The following RANGAP1 variants were observed in gnomAD, a reference collection of about 807,000 sequenced individuals.
The protein encoded by RANGAP1 is Ran GTPase activating protein 1, also known as ran GTPase-activating protein 1.
Under a neutral mutation model 63.5 loss-of-function variants are expected in RANGAP1, and 38 were observed. That is an observed-to-expected ratio of 0.60 (90% confidence interval 0.46 to 0.78). The LOEUF (loss-of-function observed/expected upper bound fraction) is 0.78, where lower values mean the gene tolerates loss of function less well. Among genes scored for constraint, RANGAP1 ranks in the 30% least tolerant of loss-of-function variants. The probability of loss-of-function intolerance (pLI) is 0.00; values close to 1 mark genes in which losing one functional copy is unlikely to be tolerated. For missense variants in RANGAP1, 630 were observed against 740.3 expected (o/e 0.85, Z 1.73); for synonymous variants, 329 against 310.5 (o/e 1.06, Z -0.63).
At chr22:41,248,136 A>G (rs2033177482) in intron 15 of RANGAP1, among the ~76,000 whole-genome samples, 1 of 142,164 alleles carries the variant, frequency 7.0e-6, no homozygotes, top group East Asian at 2.3e-4. Context: ...TCGGCACTGC[A>G]GCAACAGCAC....
At chr22:41,267,442 C>T (rs529301355) in intron 4 of RANGAP1, among the ~76,000 whole-genome samples, 1 of 152,316 alleles carries the variant, frequency 6.6e-6, no homozygotes, top group East Asian at 1.9e-4. Context: ...CAGGGCCTGC[C>T]GTGTGCAGCC....
At chr22:41,270,486 C>T (rs977951369) in intron 3 of RANGAP1, among the ~76,000 whole-genome samples, 2 of 152,186 alleles carry the variant, frequency 1.3e-5, no homozygotes, top group South Asian at 2.1e-4. Context: ...CTCACTCTGT[C>T]GCCCAGGCCG....
chr22:41,250,950 G>A, intron 13 of RANGAP1, 57 bp downstream of exon 13: 7 of 1,416,576 alleles, frequency 4.9e-6, no homozygotes, highest in Admixed American at 1.8e-5. Flanking sequence ...AAGGATACCT[G>A]GGGCCCACGA....
At chr22:41,252,800 G>A in intron 12 of RANGAP1, 72 bp downstream of exon 12, 2 of 1,443,988 alleles carry the variant, frequency 1.4e-6, no homozygotes, top group Non-Finnish European at 1.8e-6. Context: ...TCTCTGAGCT[G>A]TTCGTCCCTT....
chr22:41,275,665 G>A (rs1322797689), intron 2 of RANGAP1, among the ~76,000 whole-genome samples: 1 of 152,028 alleles, frequency 6.6e-6, no homozygotes, highest in African/African-American at 2.4e-5. Context: ...TGTAATCCCA[G>A]CTACTCAGGA....
rs555046180 is a variant in RANGAP1, at chr22:41,270,298, G to A, written c.241-2142C>T. 9.2e-5 allele frequency among the ~76,000 whole-genome samples: 14 copies of A among 151,582 alleles called. No individual in the cohort carries two copies. In the East Asian group the frequency reaches 2.3e-3, roughly 25 times the overall value. On this transcript the variant is annotated intron_variant, in intron 3 of 15. Transcript: ENST00000356244. ...TGGGATTACAGGCACCCGCCACCGC[G>A]CCCAGCTAATTTTTATATATTTTTT...
At chr22:41,263,145 C>G (rs1227341681) in intron 5 of RANGAP1, among the ~76,000 whole-genome samples, 2 of 152,160 alleles carry the variant, frequency 1.3e-5, no homozygotes, top group Non-Finnish European at 1.5e-5. Context: ...AACTCATTCC[C>G]CAACTCACCC....
At position 41,244,917 on chromosome 22, in the gene RANGAP1, C is replaced by T. The variant is rs2032946225; in HGVS notation, c.*1686G>A. On this transcript the variant is annotated 3_prime_UTR_variant, in exon 16 of 16. Coordinates refer to ENST00000356244, the MANE Select transcript of RANGAP1 (RefSeq NM_002883.4). ...GTTTGCAGCCTCACTCCCTATTCCA[C>T]CCTTCCCCTAGCCCTGGCAACCTCT... 6.6e-6 allele frequency among the ~76,000 whole-genome samples: 1 copy of T among 152,206 alleles called. No homozygotes were observed. Among genetic ancestry groups the T allele is most frequent in the Non-Finnish European group, 1.5e-5 (1 of 68,040 alleles).
chr22:41,300,699 G>C, the RANGAP1 span, among the ~76,000 whole-genome samples: 2 of 151,420 alleles, frequency 1.3e-5, no homozygotes, highest in East Asian at 1.9e-4. Context: ...TTGAACTCCT[G>C]ACCTCAGGTG....
chr22:41,274,774 C>A, intron 2 of RANGAP1, 47 bp from the exon 3 acceptor site: 1 of 1,607,958 alleles, frequency 6.2e-7, no homozygotes. Flanking sequence ...GAATCACAAA[C>A]AGCTAAGATA....
At position 41,258,197 on chromosome 22, in the gene RANGAP1, A is replaced by G. The variant is rs12170485; in HGVS notation, c.616-91T>C. 11,929 of 1,421,878 alleles carry G rather than the reference A, an allele frequency of 8.4e-3. 803 individuals carry two copies. The African/African-American group carries it at 0.15, about 18-fold the overall frequency. The allele number at this position is 1,421,878 out of a possible 1,614,324, so 88.1% of individuals were successfully genotyped here. On this transcript the variant is annotated intron_variant, in intron 6 of 15. Coordinates refer to ENST00000356244, the MANE Select transcript of RANGAP1 (RefSeq NM_002883.4). The stretch of plus-strand genomic sequence containing the variant: ...GCAATTCCACACAGCAGGCACAGGA[A>G]TGGGCTGCCGCCAGCACAGGGCAGG...
chr22:41,294,052 C>T, the RANGAP1 span, among the ~76,000 whole-genome samples: 1 of 151,388 alleles, frequency 6.6e-6, no homozygotes, highest in Non-Finnish European at 1.5e-5. Flanking sequence ...CTCTCCCTCT[C>T]CCCACGGTCT....
chr22:41,286,751 C>T (rs1246259025), upstream of RANGAP1, among the ~76,000 whole-genome samples: 1 of 152,192 alleles, frequency 6.6e-6, no homozygotes, highest in Non-Finnish European at 1.5e-5. Context: ...TGAACGGCCA[C>T]GTTAACATCA....
At chr22:41,246,784 C>T (rs2033065539) in intron 15 of RANGAP1, 112 bp from the exon 16 acceptor site, 1 of 1,012,728 alleles carries the variant, frequency 9.9e-7, no homozygotes, top group South Asian at 1.4e-5. Flanking sequence ...AACGACTCAG[C>T]AAGAGAGACA....
intron 14 of RANGAP1, 127 bp downstream of exon 14, chr22:41,249,602 C>G: frequency 6.6e-7 from 1 of 1,522,856 alleles, no homozygotes; most frequent in Non-Finnish European, 9.0e-7. Flanking sequence ...CAGACCCAGG[C>G]CTCGGGGCCC....
intron 3 of RANGAP1, among the ~76,000 whole-genome samples, chr22:41,268,879 A>T (rs1461595677): frequency 6.6e-6 from 1 of 151,980 alleles, no homozygotes; most frequent in Admixed American, 6.6e-5. Context: ...ACATGGTAAA[A>T]CCCCTTCTCT....
intron 13 of RANGAP1, among the ~76,000 whole-genome samples, chr22:41,250,532 G>A (rs2033372761): frequency 6.6e-6 from 1 of 152,206 alleles, no homozygotes; most frequent in South Asian, 2.1e-4. Flanking sequence ...GACAGGGTGG[G>A]GAGAGGGTTG....
rs1178978942 is a variant in RANGAP1, at chr22:41,258,027, A to G, written c.695T>C (p.Phe232Ser). ...HPGITALAQA[F>S]AVNPLLRVIN... is the part of the protein sequence containing the mutation. ...GACCCGCAGCAGGGGGTTGACAGCG[A>G]AAGCCTGGGCCAGGGCAGTGATGCC... The change falls in exon 7 of 16, where the codon TTC becomes TCC. Residue 232 changes from phenylalanine to serine, a missense_variant. Physicochemically the swap from Phe to Ser is radical, Grantham distance 155 (BLOSUM62 -2). Transcript: ENST00000356244. 6.2e-7 allele frequency: 1 copy of G among 1,613,600 alleles called. No individual in the cohort carries two copies. The highest frequency in any genetic ancestry group is 1.1e-5 in the South Asian group (1 of 90,962).
intron 13 of RANGAP1, 105 bp downstream of exon 13, chr22:41,250,902 C>T (rs755772156): frequency 1.4e-5 from 13 of 919,706 alleles, no homozygotes; most frequent in Non-Finnish European, 2.2e-5. Flanking sequence ...GAGCAGTTCC[C>T]ATGAGAGCGC....
Sources: gnomAD v4.1 joint callset for allele counts (sites outside exome capture counted in the v4.1 genomes callset) on GRCh38, gnomAD v4.1.1 for gene constraint, MANE v1.5 for transcripts, NCBI Gene and HGNC (gene_info 2026-07-23, HGNC 2026-07-21) for gene names.